ADCY9: variants seen among roughly 807,000 people sequenced by gnomAD.
ADCY9 encodes adenylate cyclase type 9.
A neutral mutation model predicts 101.5 loss-of-function variants in ADCY9; 50 were observed. The observed-to-expected ratio is 0.49, with a 90% CI of 0.39 to 0.62. ADCY9 has a LOEUF of 0.62. ADCY9 is among the 20% of genes least tolerant of loss of function. The pLI, the probability that ADCY9 is intolerant of heterozygous loss-of-function variation, is 0.00. For synonymous variants in ADCY9, 905 were observed against 769.3 expected (o/e 1.18, Z -2.92); for missense variants, 1,662 against 1,800.4 (o/e 0.92, Z 1.39).
intron 3 of ADCY9, among the ~76,000 whole-genome samples, chr16:3,998,560 T>C (rs905937769): frequency 4.0e-5 from 6 of 151,180 alleles, no homozygotes; most frequent in South Asian, 2.1e-4. Context: ...ATACAAAAAA[T>C]TAGCCTGGCG....
chr16:3,992,277 CAG>C lies in ADCY9; in HGVS notation c.2074_2075del (p.Leu692ValfsTer2). Reference protein sequence around the residue: ...EEKLTNSQTSLCEILQEKGRW... With the variant: ...EEKLTNSQTSXCEILQEKGRW... The stretch of plus-strand genomic sequence containing the variant: ...TTCCCTTCTCCTGCAAGATCTCACA[CAG>C]AGAAGTCTGACTGTTGGTGAGCTTC... On this transcript the variant is annotated frameshift_variant, in exon 5 of 11. Transcript: ENST00000294016. LOFTEE classifies it high-confidence loss of function. The surrounding 1 kb of genome is among the most constrained non-coding windows in gnomAD (Gnocchi z 4.2). The C allele has an allele frequency of 6.2e-7, 1 of 1,614,206 alleles. No homozygotes were observed. Among genetic ancestry groups the C allele is most frequent in the Middle Eastern group, 1.6e-4 (1 of 6,062 alleles).
chr16:4,054,572 T>C (rs1300599624), intron 2 of ADCY9, among the ~76,000 whole-genome samples: 1 of 151,942 alleles, frequency 6.6e-6, no homozygotes, highest in African/African-American at 2.4e-5. Context: ...AATGGATTTT[T>C]TTCTTTTTTT....
intron 10 of ADCY9, among the ~76,000 whole-genome samples, chr16:3,972,373 G>A (rs967894260): frequency 1.3e-5 from 2 of 151,904 alleles, no homozygotes; most frequent in African/African-American, 4.8e-5. Flanking sequence ...GGGATTACAG[G>A]TGCCCGCCAC....
chr16:3,991,374 T>C (rs2056242439), intron 5 of ADCY9, among the ~76,000 whole-genome samples: 1 of 152,134 alleles, frequency 6.6e-6, no homozygotes, highest in African/African-American at 2.4e-5. Context: ...CGGCATCCCT[T>C]CTGCAGTCTC....
intron 2 of ADCY9, among the ~76,000 whole-genome samples, chr16:4,048,839 G>C (rs1362054247): frequency 1.3e-5 from 2 of 152,064 alleles, no homozygotes; most frequent in Non-Finnish European, 1.5e-5. Context: ...ACAATCCAGA[G>C]GATCTCACCT....
intron 2 of ADCY9, among the ~76,000 whole-genome samples, chr16:4,012,252 AC>A (rs1227756516): frequency 6.6e-6 from 1 of 152,186 alleles, no homozygotes; most frequent in Non-Finnish European, 1.5e-5. Context: ...TTAAAGTGAA[AC>A]CTTTTGTCAG....
chr16:4,044,999 C>T (rs1397443602), intron 2 of ADCY9, among the ~76,000 whole-genome samples: 1 of 152,090 alleles, frequency 6.6e-6, no homozygotes, highest in African/African-American at 2.4e-5. Flanking sequence ...GACAAGCATG[C>T]AAGAAATATT....
intron 2 of ADCY9, among the ~76,000 whole-genome samples, chr16:4,008,586 A>G (rs1347308319): frequency 6.8e-6 from 1 of 147,632 alleles, no homozygotes; most frequent in East Asian, 2.0e-4. Flanking sequence ...TTTTTTTTTT[A>G]ATTGAGATGG....
intron 2 of ADCY9, among the ~76,000 whole-genome samples, chr16:4,078,161 T>C (rs2056879689): frequency 6.6e-6 from 1 of 152,164 alleles, no homozygotes; most frequent in South Asian, 2.1e-4. Context: ...AATAAAAATA[T>C]ACATCCACGG....
chr16:4,018,679 G>A (rs1323650547), intron 2 of ADCY9, among the ~76,000 whole-genome samples: 1 of 152,186 alleles, frequency 6.6e-6, no homozygotes, highest in African/African-American at 2.4e-5. Context: ...AGATCACCCG[G>A]TTTTCAACTT....
At chr16:4,031,312 C>T (rs1295204913) in intron 2 of ADCY9, among the ~76,000 whole-genome samples, 3 of 152,082 alleles carry the variant, frequency 2.0e-5, no homozygotes, top group African/African-American at 4.8e-5. Flanking sequence ...AGTCAGTTAA[C>T]GGTTCAATGG....
At chr16:4,079,828 T>C (rs2056890910) in intron 2 of ADCY9, among the ~76,000 whole-genome samples, 1 of 152,226 alleles carries the variant, frequency 6.6e-6, no homozygotes, top group South Asian at 2.1e-4. Context: ...TGTTGAAACA[T>C]TCAAAATGGC....
chr16:3,979,355 C>A, intron 7 of ADCY9, 80 bp from the exon 8 acceptor site: 1 of 1,505,420 alleles, frequency 6.6e-7, no homozygotes, highest in South Asian at 1.2e-5. Context: ...GAGGCCGCAG[C>A]CAGCGCCGCC....
rs2056255196 is a variant in ADCY9 at position 3,992,713 on chromosome 16, G to A, written c.1990-350C>T. ...CTGCTTAGGCCAGAACCACGGTTCT[G>A]GGAGCAGGGTGCATGGGTCGGGGGT... On this transcript the variant is annotated intron_variant, in intron 4 of 10. Coordinates refer to ENST00000294016, the MANE Select transcript of ADCY9 (RefSeq NM_001116.4). This position sits in a 1 kb window ranked among gnomAD's most constrained non-coding sequence, Gnocchi z 4.2. 2.0e-5 allele frequency among the ~76,000 whole-genome samples: 3 copies of A among 152,240 alleles called. No individual in the cohort carries two copies. The South Asian group carries it at 6.2e-4, about 32-fold the overall frequency.
At chr16:4,103,807 G>A (rs75322818) in intron 2 of ADCY9, among the ~76,000 whole-genome samples, 17,721 of 152,036 alleles carry the variant, frequency 0.12, 1,529 homozygotes, top group East Asian at 0.42. Flanking sequence ...CTCCAGCCCG[G>A]GCGACAGAGC....
intron 2 of ADCY9, among the ~76,000 whole-genome samples, chr16:4,096,749 T>C (rs1314898705): frequency 6.6e-6 from 1 of 152,230 alleles, no homozygotes; most frequent in Non-Finnish European, 1.5e-5. Flanking sequence ...TTAATATCCA[T>C]ACACAAGGAA....
chr16:3,964,201 G>C lies in ADCY9; in HGVS notation c.*1574C>G, dbSNP rs1268049731. On this transcript the variant is annotated 3_prime_UTR_variant, in exon 11 of 11. Coordinates refer to ENST00000294016, the MANE Select transcript of ADCY9 (RefSeq NM_001116.4). The stretch of plus-strand genomic sequence containing the variant: ...GACAGCGGAAAGCAAAATGCACAGG[G>C]ACAACGGGCAAGACTGACAAGGAGT... The C allele has an allele frequency of 6.6e-6, 1 of 152,334 alleles. No individual in the cohort carries two copies. Among genetic ancestry groups the C allele is most frequent in the East Asian group, 1.9e-4 (1 of 5,196 alleles). The allele number at this position is 152,334 out of a possible 1,614,324, so 9.4% of individuals were successfully genotyped here. A position where few individuals can be genotyped will look rare whatever the true frequency, so the allele number is the denominator to read the frequency against.
intron 6 of ADCY9, among the ~76,000 whole-genome samples, chr16:3,987,765 G>T (rs1190856952): frequency 6.6e-6 from 1 of 152,190 alleles, no homozygotes; most frequent in East Asian, 1.9e-4. Context: ...ATGAAGACCT[G>T]CTGGAGGAAC....
intron 2 of ADCY9, among the ~76,000 whole-genome samples, chr16:4,061,092 A>T (rs2056771051): frequency 6.6e-6 from 1 of 152,136 alleles, no homozygotes; most frequent in African/African-American, 2.4e-5. Flanking sequence ...TGAAAAGTTC[A>T]CTAGAGGGGC....
Sources: gnomAD v4.1 joint callset for allele counts (sites outside exome capture counted in the v4.1 genomes callset) on GRCh38, gnomAD v4.1.1 for gene constraint, Gnocchi (gnomAD v3.1) non-coding constraint, MANE v1.5 for transcripts, NCBI Gene and HGNC (gene_info 2026-07-23, HGNC 2026-07-21) for gene names.